The following ACP1 variants were observed in gnomAD, a reference collection of about 807,000 sequenced individuals.
ACP1 encodes the protein low molecular weight phosphotyrosine protein phosphatase.
Under a neutral mutation model 23.4 loss-of-function variants are expected in ACP1, and 23 were observed. The ratio of observed to expected loss-of-function variants is 0.98; its 90% CI spans 0.71 to 1.39. The LOEUF (loss-of-function observed/expected upper bound fraction) is 1.39. Ranked by LOEUF, ACP1 falls within the 40% of genes most tolerant of loss-of-function variation. The pLI is 0.00. For synonymous variants in ACP1, 72 were observed against 67.2 expected, an observed-to-expected ratio of 1.07 and a Z score of -0.35; for missense variants, 180 against 197.7, an observed-to-expected ratio of 0.91 and a Z score of 0.54.
Position 271,949 on chromosome 2 carries a change from A to G in ACP1, c.117+10A>G, listed in dbSNP as rs1670046251. The stretch of plus-strand genomic sequence containing the variant: ...AAACATCTCAGAGAATGTAAGTACC[A>G]TTCATTATCTTAAAGAGGCCAACCT... On this transcript the variant is annotated intron_variant, in intron 2 of 5. Transcript: ENST00000272065. 2 of 1,610,606 alleles carry G rather than the reference A, an allele frequency of 1.2e-6. No homozygotes were observed. Among genetic ancestry groups the G allele is most frequent in the African/African-American group, 1.3e-5 (1 of 74,496 alleles).
rs1296047934 is a variant in ACP1 at position 272,029 on chromosome 2, C to T, written c.118-8C>T. The T allele has an allele frequency of 8.1e-6, 13 of 1,612,816 alleles. No individual in the cohort carries two copies. Among genetic ancestry groups the T allele is most frequent in the Non-Finnish European group, 1.1e-5 (13 of 1,179,378 alleles). On this transcript the variant is annotated splice_polypyrimidine_tract_variant and splice_region_variant and intron_variant, in intron 2 of 5. Coordinates refer to ENST00000272065, the MANE Select transcript of ACP1 (RefSeq NM_004300.4). ...AAAAAAAAAAATTCCATGTTTCTTC[C>T]CCTGCAGTGGAGGGTAGACAGCGCG...
Position 271,849 on chromosome 2 carries a change from C to A in ACP1, c.44-17C>A, listed in dbSNP as rs1290241281. 1 of 1,609,500 alleles carries A rather than the reference C, an allele frequency of 6.2e-7. No individual in the cohort carries two copies. Among genetic ancestry groups the A allele is most frequent in the Non-Finnish European group, 8.5e-7 (1 of 1,175,938 alleles). On this transcript the variant is annotated splice_polypyrimidine_tract_variant and intron_variant, in intron 1 of 5. Transcript: ENST00000272065. ...TCCAACCTAACCCTGTTTCCCCACC[C>A]CTCCCTTTTTTTAAAGGTAACATTT...
rs762338324 is a variant in ACP1, at chr2:264,972, A to G, written c.8A>G (p.Glu3Gly). 2 of 1,612,786 alleles carry G rather than the reference A, an allele frequency of 1.2e-6. No homozygotes were observed. The highest frequency in any genetic ancestry group is 1.7e-6 in the Non-Finnish European group (2 of 1,179,434). MA[E>G]QATKSVLFVC... ...GCCTCTGCGCGCGGGAAGATGGCGG[A>G]ACAGGCTACCAAGTCCGTGCTGTTT... Residue 3 changes from glutamate (E) to glycine (G), a missense_variant, in exon 1 of 6, where the codon GAA (glutamate) becomes GGA (glycine). Physicochemically the swap from Glu to Gly is moderately conservative, Grantham distance 98. Coordinates refer to ENST00000272065, the MANE Select transcript of ACP1 (RefSeq NM_004300.4).
At chr2:266,531 A>T (rs1669887564) in intron 1 of ACP1, 1 of 152,154 alleles carries the variant, frequency 6.6e-6, no homozygotes. Flanking sequence ...GCTGTAGGGG[A>T]TACATTCCAA....
chr2:272,296 A>G, intron 3 of ACP1, 146 bp downstream of exon 3: 3 of 1,613,472 alleles, frequency 1.9e-6, no homozygotes, highest in Non-Finnish European at 2.5e-6. Flanking sequence ...CAGCCCATAA[A>G]GCAAGACAGG....
At position 277,050 on chromosome 2, in the gene ACP1, C is replaced by T; in HGVS notation, c.364C>T (p.Pro122Ser). The T allele has an allele frequency of 1.2e-6, 2 of 1,613,242 alleles. No homozygotes were observed. Among genetic ancestry groups the T allele is most frequent in the Non-Finnish European group, 1.7e-6 (2 of 1,179,500 alleles). The change falls in exon 5 of 6, where the codon CCA (proline) becomes TCA (serine). Residue 122 changes from proline (P) to serine (S), a missense_variant. Coordinates refer to ENST00000272065, the MANE Select transcript of ACP1 (RefSeq NM_004300.4). ...AATTGAACTACTTGGGAGCTATGAT[C>T]CACAAAAACAACTTATTATTGAAGA... ...AKIELLGSYD[P>S]QKQLIIEDPY...
chr2:274,921 T>C (rs2103075652), intron 3 of ACP1: 1 of 350,182 alleles, frequency 2.9e-6, no homozygotes, highest in Middle Eastern at 7.6e-4. Context: ...ATTTTATGAT[T>C]ATTGTATGGA....
intron 3 of ACP1, chr2:272,541 G>C (rs1192936144): frequency 1.5e-6 from 2 of 1,312,858 alleles, no homozygotes; most frequent in Non-Finnish European, 2.0e-6. Context: ...GAGAGAGCCT[G>C]ACTGTGAGCT....
chr2:274,849 A>G (rs1670131660), intron 3 of ACP1: 1 of 219,764 alleles, frequency 4.6e-6, no homozygotes, highest in Non-Finnish European at 8.9e-6. Context: ...TGTTGACTGT[A>G]TTATACACTG....
At chr2:268,242 G>A (rs1249712379) in intron 1 of ACP1, among the ~76,000 whole-genome samples, 3 of 152,228 alleles carry the variant, frequency 2.0e-5, no homozygotes, top group African/African-American at 7.2e-5. Flanking sequence ...GGGAATTTGA[G>A]CGGTAAATGG....
At chr2:266,916 A>G (rs565433340) in intron 1 of ACP1, among the ~76,000 whole-genome samples, 6 of 152,160 alleles carry the variant, frequency 3.9e-5, no homozygotes, top group South Asian at 2.1e-4. Flanking sequence ...TCGGGCCATT[A>G]TTAGTAAACT....
intron 1 of ACP1, among the ~76,000 whole-genome samples, chr2:270,117 C>G (rs1669989579): frequency 6.6e-6 from 1 of 152,196 alleles, no homozygotes; most frequent in African/African-American, 2.4e-5. Context: ...CTAGTGTTTC[C>G]TTAGCTGTGC....
At chr2:267,367 G>A (rs58461606) in intron 1 of ACP1, among the ~76,000 whole-genome samples, 1 of 151,968 alleles carries the variant, frequency 6.6e-6, no homozygotes, top group South Asian at 2.1e-4. Context: ...GTGCTCAATC[G>A]GTTGATGTGA....
intron 1 of ACP1, among the ~76,000 whole-genome samples, chr2:271,294 A>C (rs1275366035): frequency 6.6e-6 from 1 of 152,164 alleles, no homozygotes; most frequent in Non-Finnish European, 1.5e-5. Flanking sequence ...TTTTTAATCA[A>C]GCACAGATGG....
Position 275,143 on chromosome 2 carries a change from A to G in ACP1, c.235A>G (p.Thr79Ala). 6.7e-7 allele frequency: 1 copy of G among 1,503,062 alleles called. No homozygotes were observed. Among genetic ancestry groups the G allele is most frequent in the African/African-American group, 1.4e-5 (1 of 73,402 alleles). 93.1% of individuals were successfully genotyped at this position (1,503,062 alleles called of 1,614,324 possible). The change falls in exon 4 of 6, where the codon ACC becomes GCC. Residue 79 changes from threonine (T) to alanine (A), a missense_variant. Physicochemically the swap from Thr to Ala is moderately conservative, Grantham distance 58. Transcript: ENST00000272065. ...TTGACTTCTTATTCAATTTTAGATT[A>G]CCAAAGAAGATTTTGCCACATTTGA... ...IPMSHVARQI[T>A]KEDFATFDYI...
At chr2:272,697 A>C (rs1476654569) in intron 3 of ACP1, 1 of 262,660 alleles carries the variant, frequency 3.8e-6, no homozygotes, top group East Asian at 7.9e-5. Flanking sequence ...TCAACTGTAA[A>C]GTGCCTTAGT....
chr2:273,580 A>C (rs1471243961), intron 3 of ACP1, among the ~76,000 whole-genome samples: 4 of 152,222 alleles, frequency 2.6e-5, no homozygotes, highest in African/African-American at 9.6e-5. Flanking sequence ...CCTGGTGGCC[A>C]CAAAGCCCGA....
intron 1 of ACP1, chr2:265,286 C>T: frequency 2.4e-6 from 1 of 423,332 alleles, no homozygotes; most frequent in South Asian, 4.0e-5. Flanking sequence ...AAGGTACTTT[C>T]TTTGCGACTA....
chr2:271,263 G>A (rs1329541375), intron 1 of ACP1, among the ~76,000 whole-genome samples: 1 of 152,210 alleles, frequency 6.6e-6, no homozygotes, highest in Admixed American at 6.5e-5. Context: ...TTTGAACTTT[G>A]AAGGATTTAT....
Sources: gnomAD v4.1 joint callset for allele counts (sites outside exome capture counted in the v4.1 genomes callset) on GRCh38, gnomAD v4.1.1 for gene constraint, MANE v1.5 for transcripts, NCBI Gene and HGNC (gene_info 2026-07-23, HGNC 2026-07-21) for gene names.